The following CDH7 variants were observed in gnomAD, a reference collection of about 807,000 sequenced individuals.
The protein encoded by CDH7 is cadherin-7.
In CDH7, 25 loss-of-function variants were observed where a neutral mutation model predicts 71.8. That is an observed-to-expected ratio of 0.35 (90% CI 0.25 to 0.49). CDH7 has a LOEUF of 0.49. Among genes scored for constraint, CDH7 ranks in the 20% least tolerant of loss-of-function variants. The pLI, the probability that CDH7 is intolerant of heterozygous loss-of-function variation, is 0.99. For missense variants in CDH7, 862 were observed against 974.6 expected, an observed-to-expected ratio of 0.88 and a Z score of 1.54; for synonymous variants, 381 against 363.8, an observed-to-expected ratio of 1.05 and a Z score of -0.54.
chr18:65,864,715 T>C lies in CDH7; in HGVS notation c.1864+1798T>C, dbSNP rs375686722. Among the ~76,000 whole-genome samples the C allele has an allele frequency of 4.1e-3, 618 of 151,202 alleles. 6 individuals are homozygous for C. Among genetic ancestry groups the C allele is most frequent in the African/African-American group, 0.014 (574 of 41,294 alleles). On this transcript the variant is annotated intron_variant, in intron 11 of 11. Coordinates refer to ENST00000397968, the MANE Select transcript of CDH7 (RefSeq NM_004361.5). ...CATCCTGGCTAACACGGTGAAACCC[T>C]GTCTCTACTAAAAATACAAAAAAAA...
At chr18:65,849,867 A>G (rs1181485295) in intron 7 of CDH7, among the ~76,000 whole-genome samples, 10 of 152,046 alleles carry the variant, frequency 6.6e-5, no homozygotes, top group Non-Finnish European at 1.2e-4. Flanking sequence ...TTTCATATCT[A>G]AAATACTTAT....
intron 7 of CDH7, among the ~76,000 whole-genome samples, chr18:65,844,506 T>C (rs1341317377): frequency 1.3e-5 from 2 of 152,198 alleles, no homozygotes; most frequent in East Asian, 3.9e-4. Context: ...TTGAACAGTA[T>C]ATATTTGTTC....
At chr18:65,860,165 T>C (rs537415554) in intron 10 of CDH7, among the ~76,000 whole-genome samples, 1 of 152,184 alleles carries the variant, frequency 6.6e-6, no homozygotes, top group Non-Finnish European at 1.5e-5. Flanking sequence ...ACTATGCTCA[T>C]AGATGCAACT....
chr18:65,862,743 A>G lies in CDH7; in HGVS notation c.1690A>G (p.Ile564Val). The change falls in exon 11 of 12, where the codon ATT becomes GTT. Residue 564 changes from isoleucine (I) to valine (V), a missense_variant. Transcript: ENST00000397968. Reference protein sequence around the residue: ...EQSVYYLPIFIVDSGSPSLSS... With the variant: ...EQSVYYLPIFVVDSGSPSLSS... ...ATCAGTTTACTATCTGCCAATTTTCATTGTGGACAGTGGATCTCCCTCACT... is the reference window on the plus strand; with the variant it reads ...ATCAGTTTACTATCTGCCAATTTTCGTTGTGGACAGTGGATCTCCCTCACT... 6.2e-7 allele frequency: 1 copy of G among 1,614,100 alleles called. No individual in the cohort carries two copies. The highest frequency in any genetic ancestry group is 2.2e-5 in the East Asian group (1 of 44,854).
chr18:65,870,117 A>G (rs1913885608), intron 11 of CDH7, among the ~76,000 whole-genome samples: 2 of 152,226 alleles, frequency 1.3e-5, no homozygotes, highest in African/African-American at 4.8e-5. Context: ...GATGGAGAAA[A>G]TATTGCAGAA....
intron 2 of CDH7, among the ~76,000 whole-genome samples, chr18:65,793,039 G>A (rs1270823213): frequency 6.6e-6 from 1 of 152,104 alleles, no homozygotes; most frequent in Non-Finnish European, 1.5e-5. Context: ...TGTACTGGGA[G>A]ATTTAGTAAT....
chr18:65,784,113 A>ATTTTTTTTTT (rs72393865), intron 2 of CDH7, among the ~76,000 whole-genome samples: 28 of 106,758 alleles, frequency 2.6e-4, no homozygotes, highest in Non-Finnish European at 3.1e-4. Flanking sequence ...ACCCACAGCT[A>ATTTTTTTTTT]TTTTTTTTTT....
At position 65,753,084 on chromosome 18, in the gene CDH7, T is replaced by A. The variant is rs12969500; in HGVS notation, c.-197+1934T>A. 8.9e-4 allele frequency among the ~76,000 whole-genome samples: 136 copies of A among 152,304 alleles called. 1 individual carries two copies. Among genetic ancestry groups the A allele is most frequent in the Non-Finnish European group, 1.8e-3 (122 of 68,032 alleles). ...ATTGACTCTAGTGTTTAGTGTCCAA[T>A]GAAGAAGAGAGGGTGGAGAGCACGC... On this transcript the variant is annotated intron_variant, in intron 1 of 11. Transcript: ENST00000397968.
intron 2 of CDH7, among the ~76,000 whole-genome samples, chr18:65,805,977 T>C (rs1911303819): frequency 6.6e-6 from 1 of 152,152 alleles, no homozygotes; most frequent in African/African-American, 2.4e-5. Flanking sequence ...AAACTAGGAT[T>C]ATGATTCAGA....
chr18:65,855,922 T>A (rs1387240132), intron 7 of CDH7, among the ~76,000 whole-genome samples: 1 of 152,106 alleles, frequency 6.6e-6, no homozygotes, highest in Non-Finnish European at 1.5e-5. Context: ...TAAGATTGGT[T>A]TAATATTCAA....
chr18:65,831,367 C>A (rs756998078), intron 6 of CDH7, among the ~76,000 whole-genome samples: 4 of 152,106 alleles, frequency 2.6e-5, no homozygotes, highest in African/African-American at 9.7e-5. Context: ...GATCTGCTGG[C>A]CCAACAAAGG....
At chr18:65,763,594 G>GGTGTGTGTGT (rs71167145) in intron 2 of CDH7, among the ~76,000 whole-genome samples, 11 of 99,130 alleles carry the variant, frequency 1.1e-4, no homozygotes, top group Admixed American at 1.9e-4. Flanking sequence ...TTGATAGGGG[G>GGTGTGTGTGT]GTGTGTGTGT....
At chr18:65,818,770 A>G (rs1268173832) in intron 4 of CDH7, among the ~76,000 whole-genome samples, 2 of 152,214 alleles carry the variant, frequency 1.3e-5, no homozygotes, top group Non-Finnish European at 2.9e-5. Flanking sequence ...GAGAGCTAAC[A>G]TGATATCCAA....
intron 2 of CDH7, among the ~76,000 whole-genome samples, chr18:65,765,080 G>A (rs1376505723): frequency 6.6e-6 from 1 of 152,062 alleles, no homozygotes; most frequent in East Asian, 1.9e-4. Context: ...TTACATGACA[G>A]AAGTTAGTTC....
In CDH7 at chr18:65,888,424, A is replaced by G. The variant is rs901567531; in HGVS notation, c.*7530A>G. 3 of 152,182 alleles carry G rather than the reference A, an allele frequency of 2.0e-5. No individual in the cohort carries two copies. In the East Asian group the frequency reaches 5.8e-4, roughly 29 times the overall value. The allele number at this position is 152,182 out of a possible 1,614,324, so 9.4% of individuals were successfully genotyped here. A position where few individuals can be genotyped will look rare whatever the true frequency, so the allele number is the denominator to read the frequency against. On this transcript the variant is annotated 3_prime_UTR_variant, in exon 12 of 12. Transcript: ENST00000397968. ...GGTACCTCAAAAGACCTGACACACT[A>G]CAATGAAGACTTCTGTTGTCATCAT... is the stretch of plus-strand genomic sequence containing the variant.
chr18:65,786,143 A>G (rs1910505188), intron 2 of CDH7, among the ~76,000 whole-genome samples: 2 of 152,152 alleles, frequency 1.3e-5, no homozygotes, highest in Admixed American at 6.5e-5. Context: ...TATTTAACAT[A>G]TTTTCAAGCT....
intron 11 of CDH7, among the ~76,000 whole-genome samples, chr18:65,880,109 G>T (rs1914176883): frequency 6.6e-6 from 1 of 152,098 alleles, no homozygotes; most frequent in African/African-American, 2.4e-5. Flanking sequence ...ATCATGAACT[G>T]GCCCTTCAAT....
intron 2 of CDH7, among the ~76,000 whole-genome samples, chr18:65,778,074 C>A (rs1034468842): frequency 2.0e-5 from 3 of 151,884 alleles, no homozygotes; most frequent in African/African-American, 7.3e-5. Flanking sequence ...GAGTTTGAGA[C>A]CAGCCTGGCC....
chr18:65,767,754 G>A (rs928195732), intron 2 of CDH7, among the ~76,000 whole-genome samples: 1 of 152,172 alleles, frequency 6.6e-6, no homozygotes, highest in Non-Finnish European at 1.5e-5. Context: ...AGCTCTATCA[G>A]ATGCAAATAA....
Sources: gnomAD v4.1 joint callset for allele counts (sites outside exome capture counted in the v4.1 genomes callset) on GRCh38, gnomAD v4.1.1 for gene constraint, MANE v1.5 for transcripts, NCBI Gene and HGNC (gene_info 2026-07-23, HGNC 2026-07-21) for gene names.